DPP6: variants seen among roughly 807,000 people sequenced by gnomAD.
The protein encoded by DPP6 is dipeptidyl peptidase like 6.
Under a neutral mutation model 122.6 loss-of-function variants are expected in DPP6, and 69 were observed. That is an observed-to-expected ratio of 0.56 (90% CI 0.46 to 0.69). The LOEUF (loss-of-function observed/expected upper bound fraction) is 0.69, where lower values mean the gene tolerates loss of function less well. DPP6 is among the 30% of genes least tolerant of loss of function. The pLI, the probability that DPP6 is intolerant of heterozygous loss-of-function variation, is 0.00. For synonymous variants in DPP6, 418 were observed against 433.1 expected, an observed-to-expected ratio of 0.97 and a Z score of 0.43; for missense variants, 928 against 1,116.9, an observed-to-expected ratio of 0.83 and a Z score of 2.41.
intron 1 of DPP6, among the ~76,000 whole-genome samples, chr7:153,913,511 C>A (rs538217529): frequency 2.0e-5 from 3 of 152,256 alleles, no homozygotes; most frequent in African/African-American, 7.2e-5. Flanking sequence ...GATGACTGAC[C>A]TTAATTTCTA....
chr7:154,831,118 A>T (rs1233940393), intron 16 of DPP6, among the ~76,000 whole-genome samples: 3 of 152,176 alleles, frequency 2.0e-5, no homozygotes, highest in East Asian at 3.9e-4. Context: ...CCTGCCTTAG[A>T]AAAAGGACCA....
chr7:154,740,720 T>A (rs1201811544), intron 8 of DPP6, among the ~76,000 whole-genome samples: 1 of 152,172 alleles, frequency 6.6e-6, no homozygotes, highest in African/African-American at 2.4e-5. Context: ...GGAGCAATGC[T>A]CCTCAGTTGC....
At chr7:154,220,401 A>T (rs1800237676) in intron 1 of DPP6, among the ~76,000 whole-genome samples, 2 of 152,064 alleles carry the variant, frequency 1.3e-5, no homozygotes, top group African/African-American at 4.8e-5. Flanking sequence ...GATACAATAG[A>T]CCCTGAGACC....
intron 7 of DPP6, among the ~76,000 whole-genome samples, chr7:154,718,634 CTTTT>C (rs542191130): frequency 0.26 from 28,358 of 110,732 alleles, 3,439 homozygotes; most frequent in Non-Finnish European, 0.3. Context: ...CTTCCTCCTC[CTTTT>C]TTTTTTTTTT....
At chr7:154,130,126 A>G (rs1446472976) in intron 1 of DPP6, among the ~76,000 whole-genome samples, 2 of 152,076 alleles carry the variant, frequency 1.3e-5, no homozygotes, top group African/African-American at 4.8e-5. Flanking sequence ...AAAAAAAGAA[A>G]AGAAAACACA....
intron 5 of DPP6, among the ~76,000 whole-genome samples, chr7:154,569,841 A>G (rs1365902677): frequency 6.6e-6 from 1 of 151,820 alleles, no homozygotes; most frequent in Admixed American, 6.6e-5. Context: ...TGGAAGTCAA[A>G]TAATCATAGG....
chr7:154,798,268 A>G (rs760932484), intron 12 of DPP6, among the ~76,000 whole-genome samples: 13 of 152,162 alleles, frequency 8.5e-5, no homozygotes, highest in Admixed American at 2.0e-4. Context: ...CATTAGCTCT[A>G]CAGAGTAGCT....
chr7:154,313,685 G>GTGTGTGCGTATATA lies in DPP6; in HGVS notation c.244-132528_244-132527insGTGTGCGTATATAT. On this transcript the variant is annotated intron_variant, in intron 1 of 25. Transcript: ENST00000377770. ...AAGCAACAAGATATTTTAAGATATG[G>GTGTGTGCGTATATA]TATATATATATATATATATATATAT... 1.5e-4 allele frequency among the ~76,000 whole-genome samples: 3 copies of GTGTGTGCGTATATA among 20,468 alleles called. No homozygotes were observed. The East Asian group carries it at 9.8e-3, about 67-fold the overall frequency. The allele number at this position is 20,468 out of a possible 152,430, so 13.4% of individuals were successfully genotyped here.
At chr7:154,485,837 C>T (rs1239645848) in intron 3 of DPP6, among the ~76,000 whole-genome samples, 3 of 152,036 alleles carry the variant, frequency 2.0e-5, no homozygotes, top group Non-Finnish European at 2.9e-5. Context: ...TACATGTGCA[C>T]AACGTGCAGG....
At chr7:153,995,156 T>C (rs150076716) in intron 1 of DPP6, among the ~76,000 whole-genome samples, 2,126 of 152,314 alleles carry the variant, frequency 0.014, 65 homozygotes, top group African/African-American at 0.048. Context: ...AGCTCTGAGC[T>C]TCCTAATAGC....
chr7:154,046,492 C>G (rs551600086), intron 1 of DPP6, among the ~76,000 whole-genome samples: 88 of 152,294 alleles, frequency 5.8e-4, no homozygotes, highest in African/African-American at 1.9e-3. Context: ...CCATTTAGAA[C>G]TCAAAGATGA....
chr7:154,706,386 A>G lies in DPP6; in HGVS notation c.763-21381A>G, dbSNP rs577452689. ...ATATGATTCTCAGGGCAGACCTCAC[A>G]ACCACCCAGACAAGACCCTCAGGGT... On this transcript the variant is annotated intron_variant, in intron 7 of 25. Coordinates refer to ENST00000377770, the MANE Select transcript of DPP6 (RefSeq NM_130797.4). Among the ~76,000 whole-genome samples, 7 of 152,224 alleles carry G rather than the reference A, an allele frequency of 4.6e-5. No individual in the cohort carries two copies. The South Asian group carries it at 1.2e-3, about 27-fold the overall frequency.
At chr7:154,246,494 G>A (rs571929846) in intron 1 of DPP6, among the ~76,000 whole-genome samples, 81 of 152,130 alleles carry the variant, frequency 5.3e-4, no homozygotes, top group African/African-American at 1.9e-3. Context: ...TTAATACAAG[G>A]TCAACGAAAA....
chr7:154,370,195 C>T (rs2151117373), intron 1 of DPP6, among the ~76,000 whole-genome samples: 1 of 152,174 alleles, frequency 6.6e-6, no homozygotes, highest in South Asian at 2.1e-4. Flanking sequence ...GTTGGCCAGG[C>T]TGGTCTTGAA....
intron 1 of DPP6, among the ~76,000 whole-genome samples, chr7:154,023,318 G>GCACGCACACGCACACACACACACACA (rs373378162): frequency 1.5e-5 from 2 of 129,528 alleles, no homozygotes; most frequent in Admixed American, 7.7e-5. Flanking sequence ...TTTCTTGTCT[G>GCACGCACACGCACACACACACACACA]CACACACACA....
chr7:153,946,603 G>GAGCAC (rs1423531892), intron 1 of DPP6, among the ~76,000 whole-genome samples: 1 of 152,056 alleles, frequency 6.6e-6, no homozygotes, highest in Non-Finnish European at 1.5e-5. Flanking sequence ...CTGTGACTAA[G>GAGCAC]AGCACCTAAC....
At chr7:154,290,039 C>G (rs1421462864) in intron 1 of DPP6, among the ~76,000 whole-genome samples, 1 of 152,190 alleles carries the variant, frequency 6.6e-6, no homozygotes, top group Non-Finnish European at 1.5e-5. Context: ...TCATTCCCAT[C>G]ATTACGAAAT....
intron 1 of DPP6, among the ~76,000 whole-genome samples, chr7:153,975,376 A>T (rs182635605): frequency 0.011 from 1,701 of 147,916 alleles, 38 homozygotes; most frequent in African/African-American, 0.041. Context: ...TAAGCCTACA[A>T]AGATTTTCTA....
chr7:154,868,379 C>T (rs184709842), intron 18 of DPP6, among the ~76,000 whole-genome samples: 5 of 152,292 alleles, frequency 3.3e-5, no homozygotes, highest in African/African-American at 7.2e-5. Flanking sequence ...CTTTGGTGAC[C>T]GTGTCAAGAC....
Sources: allele counts gnomAD v4.1 joint callset (sites outside exome capture counted in the v4.1 genomes callset), GRCh38; gene constraint gnomAD v4.1.1; transcripts MANE v1.5; gene names NCBI Gene and HGNC (gene_info 2026-07-23, HGNC 2026-07-21).